The following PRDM16 variants were observed in gnomAD, a reference collection of about 807,000 sequenced individuals.
PRDM16 encodes the protein histone-lysine N-methyltransferase PRDM16.
A neutral mutation model predicts 110.6 loss-of-function variants in PRDM16; 23 were observed. The ratio of observed to expected loss-of-function variants is 0.21; its 90% CI spans 0.15 to 0.29. The LOEUF is 0.29. PRDM16 is among the 10% of genes least tolerant of loss of function. The pLI, the probability that PRDM16 is intolerant of heterozygous loss-of-function variation, is 1.00. For synonymous variants in PRDM16, 799 were observed against 781.8 expected (o/e 1.02, Z -0.37); for missense variants, 1,615 against 1,794.3 (o/e 0.90, Z 1.81).
intron 2 of PRDM16, among the ~76,000 whole-genome samples, chr1:3,195,588 G>GC (rs1022114472): frequency 2.8e-5 from 4 of 144,294 alleles, no homozygotes; most frequent in East Asian, 4.5e-4. Flanking sequence ...CACACGCCCC[G>GC]CCCCCCCTGT....
intron 1 of PRDM16, among the ~76,000 whole-genome samples, chr1:3,112,576 C>T (rs1642822098): frequency 6.6e-6 from 1 of 152,220 alleles, no homozygotes; most frequent in South Asian, 2.1e-4. Context: ...GCCCTGACTC[C>T]AGCAGCCTGC....
At chr1:3,079,983 G>A (rs1441797912) in intron 1 of PRDM16, among the ~76,000 whole-genome samples, 7 of 152,236 alleles carry the variant, frequency 4.6e-5, no homozygotes, top group African/African-American at 1.4e-4. Flanking sequence ...CCTCAGTAGC[G>A]CGTGCCCACC....
chr1:3,108,985 G>C (rs1375903839), intron 1 of PRDM16, among the ~76,000 whole-genome samples: 1 of 151,882 alleles, frequency 6.6e-6, no homozygotes, highest in Non-Finnish European at 1.5e-5. Context: ...AGGAGGCTGA[G>C]GTATGAGAAT....
chr1:3,334,326 A>C (rs1232135949), intron 3 of PRDM16, among the ~76,000 whole-genome samples: 3 of 152,200 alleles, frequency 2.0e-5, no homozygotes, highest in Non-Finnish European at 4.4e-5. Context: ...AGGTCCCACC[A>C]CGTCAGGGAC....
intron 1 of PRDM16, among the ~76,000 whole-genome samples, chr1:3,147,480 G>A (rs183941318): frequency 4.6e-5 from 7 of 152,222 alleles, no homozygotes; most frequent in South Asian, 2.1e-4. Flanking sequence ...TGAGATGTCC[G>A]ACTGTGGACT....
intron 3 of PRDM16, among the ~76,000 whole-genome samples, chr1:3,364,351 C>A (rs1005784909): frequency 6.6e-6 from 1 of 152,220 alleles, no homozygotes; most frequent in African/African-American, 2.4e-5. Context: ...AGTCGTCCTG[C>A]CTGGCAGCCT....
intron 10 of PRDM16, among the ~76,000 whole-genome samples, chr1:3,415,797 G>A (rs777789775): frequency 3.3e-5 from 5 of 152,212 alleles, no homozygotes; most frequent in Non-Finnish European, 7.3e-5. Context: ...GGTGGGGGGC[G>A]GGAAGAGAGA....
intron 16 of PRDM16, among the ~76,000 whole-genome samples, chr1:3,432,721 C>A (rs191748919): frequency 6.6e-6 from 1 of 152,182 alleles, no homozygotes; most frequent in African/African-American, 2.4e-5. Flanking sequence ...GGAACAGGCC[C>A]GCCCCAGGTC....
intron 1 of PRDM16, among the ~76,000 whole-genome samples, chr1:3,111,782 C>G (rs1391611682): frequency 6.6e-6 from 1 of 152,220 alleles, no homozygotes; most frequent in Non-Finnish European, 1.5e-5. Context: ...AGCGCCACAT[C>G]AGGCGACACA....
intron 8 of PRDM16, among the ~76,000 whole-genome samples, chr1:3,406,580 A>G (rs1331718632): frequency 2.7e-5 from 4 of 147,264 alleles, no homozygotes; most frequent in Non-Finnish European, 4.5e-5. Flanking sequence ...AAAAAAAAAA[A>G]TTTTTTTTTT....
At position 3,438,001 on chromosome 1, in the gene PRDM16, C is replaced by T. The variant is rs550490073; in HGVS notation, c.*4190C>T. ...ACCTGTGCCGCCCGCCACCTTCTGC[C>T]ATTGTTACATTACAGATTTGGTTTA... On this transcript the variant is annotated 3_prime_UTR_variant, in exon 17 of 17. Coordinates refer to ENST00000270722, the MANE Select transcript of PRDM16 (RefSeq NM_022114.4). 22 of 217,854 alleles carry T rather than the reference C, an allele frequency of 1.0e-4. No individual in the cohort carries two copies. Among genetic ancestry groups the T allele is most frequent in the Non-Finnish European group, 2.0e-4 (22 of 108,374 alleles). The allele number at this position is 217,854 out of a possible 1,614,324, so 13.5% of individuals were successfully genotyped here.
Position 3,412,401 on chromosome 1 carries a change from A to G in PRDM16, c.2204A>G (p.His735Arg). 1.2e-6 allele frequency: 2 copies of G among 1,612,154 alleles called. No individual in the cohort carries two copies. The highest frequency in any genetic ancestry group is 1.7e-6 in the Non-Finnish European group (2 of 1,179,662). ...FPFQFLPNFP[H>R]SLYPFTDRAL... Reference sequence around the variant, plus strand: ...TTCCAGTTCCTGCCCAACTTCCCCCACTCCCTTTACCCCTTCACGGACCGA... The same window carrying G: ...TTCCAGTTCCTGCCCAACTTCCCCCGCTCCCTTTACCCCTTCACGGACCGA... The change falls in exon 9 of 17, where the codon CAC (histidine) becomes CGC (arginine). Residue 735 changes from histidine (H) to arginine (R), a missense_variant. Transcript: ENST00000270722.
chr1:3,336,550 A>C, intron 3 of PRDM16, among the ~76,000 whole-genome samples: 1 of 151,178 alleles, frequency 6.6e-6, no homozygotes, highest in South Asian at 2.1e-4. Context: ...GTGTGAGTGC[A>C]TGCATGCACA....
intron 3 of PRDM16, among the ~76,000 whole-genome samples, chr1:3,285,024 G>T (rs1640813865): frequency 6.6e-6 from 1 of 152,210 alleles, no homozygotes. Flanking sequence ...TAGCCCTTGA[G>T]CATGGAACGC....
At chr1:3,147,320 G>A (rs906107054) in intron 1 of PRDM16, among the ~76,000 whole-genome samples, 2 of 151,892 alleles carry the variant, frequency 1.3e-5, no homozygotes, top group Admixed American at 6.6e-5. Flanking sequence ...TTGAGGTCTG[G>A]GGTGTGTGAC....
intron 3 of PRDM16, among the ~76,000 whole-genome samples, chr1:3,332,397 G>T (rs1033651621): frequency 3.9e-5 from 6 of 152,230 alleles, no homozygotes; most frequent in Non-Finnish European, 7.4e-5. Flanking sequence ...GTGGGCAGTG[G>T]GGGGCTCGGG....
At chr1:3,407,091 G>A (rs895309002) in intron 8 of PRDM16, among the ~76,000 whole-genome samples, 16 of 152,216 alleles carry the variant, frequency 1.1e-4, no homozygotes, top group African/African-American at 3.6e-4. Flanking sequence ...TCCAGGCTCC[G>A]TTGCATCAGC....
rs1343241355 is a variant in PRDM16, at chr1:3,381,425, G to A, written c.439-3727G>A. Among the ~76,000 whole-genome samples the A allele has an allele frequency of 2.2e-5, 3 of 138,692 alleles. No individual in the cohort carries two copies. The Admixed American group carries it at 2.3e-4, about 11-fold the overall frequency. The allele number at this position is 138,692 out of a possible 152,430, so 91.0% of individuals were successfully genotyped here. ...GTTTTTTTTTTTTTTTTTTGAGACA[G>A]AGTCTCTCACTCTGTCTCCCAGGCT... On this transcript the variant is annotated intron_variant, in intron 3 of 16. Transcript: ENST00000270722.
At chr1:3,147,150 G>A (rs1002513208) in intron 1 of PRDM16, among the ~76,000 whole-genome samples, 6 of 147,384 alleles carry the variant, frequency 4.1e-5, no homozygotes, top group South Asian at 2.2e-4. Flanking sequence ...GTGTGTGCTC[G>A]GTGTGAGGTG....
Sources: allele counts gnomAD v4.1 joint callset (sites outside exome capture counted in the v4.1 genomes callset), GRCh38; gene constraint gnomAD v4.1.1; transcripts MANE v1.5; gene names NCBI Gene and HGNC (gene_info 2026-07-23, HGNC 2026-07-21).